Variants in ARMH3 observed in about 807,000 individuals in gnomAD.
ARMH3 encodes armadillo-like helical domain-containing protein 3.
In ARMH3, 60 loss-of-function variants were observed where a neutral mutation model predicts 99.1. The observed-to-expected ratio is 0.61, with a 90% CI of 0.49 to 0.75. ARMH3 has a LOEUF of 0.75. Among genes scored for constraint, ARMH3 ranks in the 30% least tolerant of loss-of-function variants. The probability of loss-of-function intolerance (pLI) is 0.00; values close to 1 mark genes in which losing one functional copy is unlikely to be tolerated. For synonymous variants in ARMH3, 285 were observed against 292.8 expected (o/e 0.97, Z 0.27); for missense variants, 679 against 843.1 (o/e 0.81, Z 2.41).
Position 101,849,830 on chromosome 10 carries a change from G to T in ARMH3, c.1923C>A (p.Asp641Glu), listed in dbSNP as rs777584711. 50 of 1,614,034 alleles carry T rather than the reference G, an allele frequency of 3.1e-5. 1 individual carries two copies. In the South Asian group the frequency reaches 5.0e-4, roughly 16 times the overall value. ...GCTGCTCTGAGTAGCGCTCATACTG[G>T]TCCAGGCCATCCTGCAGCTTCAGCG... ...TLTLKLQDGL[D>E]QYERYSEQHK... The change falls in exon 25 of 26, where the codon GAC becomes GAA. Residue 641 changes from aspartate (D) to glutamate (E), a missense_variant. By Grantham distance (45) the Asp-to-Glu change is conservative (BLOSUM62 2). This residue lies in a region of ARMH3 where 389 missense variants were observed against 456.5 expected (regional missense o/e 0.85). Transcript: ENST00000370033.
intron 8 of ARMH3, among the ~76,000 whole-genome samples, chr10:102,021,874 T>C (rs768966579): frequency 8.6e-5 from 13 of 152,004 alleles, no homozygotes; most frequent in Non-Finnish European, 1.5e-4. Context: ...TTTTTTTTTG[T>C]AGAGACTGTC....
intron 24 of ARMH3, among the ~76,000 whole-genome samples, chr10:101,858,459 A>AGCACTT (rs1190215635): frequency 6.6e-6 from 1 of 152,234 alleles, no homozygotes; most frequent in Admixed American, 6.5e-5. Flanking sequence ...GCACACAGAA[A>AGCACTT]GCACTTAAGA....
intron 15 of ARMH3, among the ~76,000 whole-genome samples, chr10:102,001,498 G>C (rs2066359772): frequency 6.6e-6 from 1 of 152,090 alleles, no homozygotes; most frequent in South Asian, 2.1e-4. Context: ...GCATTTCTAG[G>C]ATGGGTATTG....
chr10:102,044,043 A>C (rs1009990539), intron 1 of ARMH3, among the ~76,000 whole-genome samples: 4 of 149,260 alleles, frequency 2.7e-5, no homozygotes, highest in African/African-American at 9.9e-5. Flanking sequence ...CAGCCTTGTG[A>C]GTAGCTGGGA....
At chr10:101,915,424 G>A (rs1238897453) in intron 23 of ARMH3, among the ~76,000 whole-genome samples, 2 of 152,178 alleles carry the variant, frequency 1.3e-5, no homozygotes, top group Non-Finnish European at 1.5e-5. Flanking sequence ...TGCAGCCACA[G>A]AGCAATATTC....
chr10:101,960,226 G>T (rs1845224918), intron 20 of ARMH3, among the ~76,000 whole-genome samples: 2 of 151,966 alleles, frequency 1.3e-5, no homozygotes, highest in Admixed American at 1.3e-4. Flanking sequence ...CAACTAAAAT[G>T]AAGCCTCTGA....
At chr10:102,041,838 C>A (rs557927607) in intron 1 of ARMH3, among the ~76,000 whole-genome samples, 1 of 151,894 alleles carries the variant, frequency 6.6e-6, no homozygotes, top group South Asian at 2.1e-4. Flanking sequence ...TTAGTAGAGA[C>A]GGGGTTTCAC....
At chr10:101,899,104 G>C (rs2067913056) in intron 23 of ARMH3, among the ~76,000 whole-genome samples, 1 of 152,216 alleles carries the variant, frequency 6.6e-6, no homozygotes, top group Admixed American at 6.5e-5. Context: ...CTTTGGGCAA[G>C]AGACCAACCT....
intron 24 of ARMH3, among the ~76,000 whole-genome samples, 196 bp from the exon 25 acceptor site, chr10:101,850,088 CTCTTTTTT>C (rs1370221254): frequency 1.4e-5 from 2 of 137,938 alleles, no homozygotes; most frequent in Non-Finnish European, 3.1e-5. Context: ...TTCTCTCTCT[CTCTTTTTT>C]TTTTTTTTTT....
At position 101,849,808 on chromosome 10, in the gene ARMH3, GCT is replaced by G; in HGVS notation, c.1943_1944del (p.Glu648AlafsTer16). On this transcript the variant is annotated frameshift_variant, in exon 25 of 26. Coordinates refer to ENST00000370033, the MANE Select transcript of ARMH3 (RefSeq NM_024541.3). LOFTEE classifies it high-confidence loss of function. ...DGLDQYERYS[E>X]QHKEAAFFKE... is the part of the protein sequence containing the mutation. ...TTGAAGAAGGCAGCTTCCTTGTGCT[GCT>G]CTGAGTAGCGCTCATACTGGTCCAG... The G allele has an allele frequency of 2.5e-6, 4 of 1,614,174 alleles. No homozygotes were observed. The highest frequency in any genetic ancestry group is 3.4e-6 in the Non-Finnish European group (4 of 1,180,014).
Position 101,870,388 on chromosome 10 carries a change from T to C in ARMH3, c.1860+19024A>G, listed in dbSNP as rs768974367. Among the ~76,000 whole-genome samples, 12 of 152,322 alleles carry C rather than the reference T, an allele frequency of 7.9e-5. No homozygotes were observed. The South Asian group carries it at 8.3e-4, about 11-fold the overall frequency. On this transcript the variant is annotated intron_variant, in intron 24 of 25. Coordinates refer to ENST00000370033, the MANE Select transcript of ARMH3 (RefSeq NM_024541.3). ...AATTAAAATGTTTTCCACAGAAGTA[T>C]ACTGATATATGCATTTTACTTTGAA...
At chr10:102,037,966 T>A (rs1255219842) in intron 2 of ARMH3, among the ~76,000 whole-genome samples, 2 of 152,032 alleles carry the variant, frequency 1.3e-5, no homozygotes, top group African/African-American at 2.4e-5. Flanking sequence ...CTCACACTTC[T>A]GTAATATCAC....
chr10:101,949,727 C>T (rs1443989144), intron 22 of ARMH3, among the ~76,000 whole-genome samples: 2 of 151,898 alleles, frequency 1.3e-5, no homozygotes, highest in Admixed American at 6.6e-5. Context: ...TATTATGAGG[C>T]CAAAATTAAC....
chr10:101,966,325 G>T, intron 20 of ARMH3, among the ~76,000 whole-genome samples: 1 of 135,106 alleles, frequency 7.4e-6, no homozygotes, highest in Non-Finnish European at 1.6e-5. Flanking sequence ...GAGACAGGCT[G>T]GAGTGCAATG....
Position 102,033,349 on chromosome 10 carries a change from G to A in ARMH3, c.103-10C>T. The stretch of plus-strand genomic sequence containing the variant: ...TACTGGGGTCCTCTGTCTGAAACCA[G>A]AATATAAGCACATTCAGCCTTCCCA... On this transcript the variant is annotated splice_polypyrimidine_tract_variant and intron_variant, in intron 2 of 25. Coordinates refer to ENST00000370033, the MANE Select transcript of ARMH3 (RefSeq NM_024541.3). The A allele has an allele frequency of 6.2e-7, 1 of 1,612,956 alleles. No individual in the cohort carries two copies.
rs150919286 is a variant in ARMH3, at chr10:101,867,797, G to A, written c.1861-17905C>T. Among the ~76,000 whole-genome samples the A allele has an allele frequency of 2.3e-3, 348 of 151,470 alleles. 2 individuals carry two copies. Among genetic ancestry groups the A allele is most frequent in the African/African-American group, 7.1e-3 (292 of 41,268 alleles). Reference sequence around the variant, plus strand: ...CAGTGAGCAGTGATCACGTGAATGCGCCCCAGCTTGTATGACAGAGTGAGA... The same window carrying A: ...CAGTGAGCAGTGATCACGTGAATGCACCCCAGCTTGTATGACAGAGTGAGA... On this transcript the variant is annotated intron_variant, in intron 24 of 25. Coordinates refer to ENST00000370033, the MANE Select transcript of ARMH3 (RefSeq NM_024541.3).
chr10:101,907,999 T>A (rs1336035925), intron 23 of ARMH3, among the ~76,000 whole-genome samples: 1 of 152,184 alleles, frequency 6.6e-6, no homozygotes, highest in Non-Finnish European at 1.5e-5. Flanking sequence ...ACCCATCATA[T>A]CTGATCTTCC....
At position 101,862,048 on chromosome 10, in the gene ARMH3, C is replaced by CAAA. The variant is rs34359012; in HGVS notation, c.1861-12159_1861-12157dup. 9.9e-3 allele frequency among the ~76,000 whole-genome samples: 353 copies of CAAA among 35,644 alleles called. 3 individuals carry two copies. Among genetic ancestry groups the CAAA allele is most frequent in the Non-Finnish European group, 0.011 (233 of 21,162 alleles). The allele number at this position is 35,644 out of a possible 152,430, so 23.4% of individuals were successfully genotyped here. Reference sequence around the variant, plus strand: ...TGGGCGACAGAGCGAGATTCCCTCTCAAAAAAAAAAAAAAAAAAAAAAAAA... The same window carrying CAAA: ...TGGGCGACAGAGCGAGATTCCCTCTCAAAAAAAAAAAAAAAAAAAAAAAAAAAA... On this transcript the variant is annotated intron_variant, in intron 24 of 25. Coordinates refer to ENST00000370033, the MANE Select transcript of ARMH3 (RefSeq NM_024541.3).
At chr10:101,860,991 T>A (rs1391373544) in intron 24 of ARMH3, among the ~76,000 whole-genome samples, 2 of 151,964 alleles carry the variant, frequency 1.3e-5, no homozygotes, top group Non-Finnish European at 2.9e-5. Context: ...GCCAGACATA[T>A]CAAGAAGCAG....
Sources: allele counts gnomAD v4.1 joint callset (sites outside exome capture counted in the v4.1 genomes callset), GRCh38; gene constraint gnomAD v4.1.1; regional missense constraint gnomAD v4.1.1; transcripts MANE v1.5; gene names NCBI Gene and HGNC (gene_info 2026-07-23, HGNC 2026-07-21).